SPATA18: variants seen among roughly 807,000 people sequenced by gnomAD.
The protein encoded by SPATA18 is mitochondria-eating protein.
SPATA18 carries 54 observed loss-of-function variants against 68.1 expected under a neutral mutation model. The ratio of observed to expected loss-of-function variants is 0.79; its 90% CI spans 0.64 to 0.99. The LOEUF is 0.99. SPATA18 is among the 50% of genes least tolerant of loss of function. The pLI is 0.00. For missense variants in SPATA18, 724 were observed against 681.1 expected, an observed-to-expected ratio of 1.06 and a Z score of -0.70; for synonymous variants, 242 against 244.8, an observed-to-expected ratio of 0.99 and a Z score of 0.11.
intron 1 of SPATA18, among the ~76,000 whole-genome samples, chr4:52,055,722 G>T (rs1738281129): frequency 6.6e-6 from 1 of 152,114 alleles, no homozygotes; most frequent in Admixed American, 6.5e-5. Context: ...TTCTAGGAGT[G>T]GGAGCCCACA....
At chr4:52,070,161 AC>A (rs2109451241) in intron 5 of SPATA18, among the ~76,000 whole-genome samples, 1 of 152,046 alleles carries the variant, frequency 6.6e-6, no homozygotes, top group Admixed American at 6.6e-5. Context: ...AGTGACTGTT[AC>A]CATTTTACAT....
At chr4:52,087,644 C>A (rs1443224201) in intron 11 of SPATA18, among the ~76,000 whole-genome samples, 1 of 152,100 alleles carries the variant, frequency 6.6e-6, no homozygotes, top group Non-Finnish European at 1.5e-5. Flanking sequence ...TGTTTTTGTA[C>A]AAGTACCATG....
chr4:52,067,770 A>T (rs1739437297), intron 4 of SPATA18, among the ~76,000 whole-genome samples: 1 of 152,178 alleles, frequency 6.6e-6, no homozygotes, highest in Admixed American at 6.5e-5. Flanking sequence ...CTGGGAACTT[A>T]AAAAAATAAA....
In SPATA18 at chr4:52,082,787, T is replaced by TA. The variant is rs1039894578; in HGVS notation, c.1479+278dup. The TA allele has an allele frequency of 8.5e-5, 105 of 1,238,232 alleles. No individual in the cohort carries two copies. In the African/African-American group the frequency reaches 1.4e-3, roughly 17 times the overall value. 76.7% of individuals were successfully genotyped at this position (1,238,232 alleles called of 1,614,324 possible). A position where few individuals can be genotyped will look rare whatever the true frequency, so the allele number is the denominator to read the frequency against. ...CTCCTCCATCTTAGAATTATTATAA[T>TA]ATTTTAAAAACAAAGCCCTTTGAAG... On this transcript the variant is annotated intron_variant, in intron 10 of 12. Coordinates refer to ENST00000295213, the MANE Select transcript of SPATA18 (RefSeq NM_145263.4).
rs934863968 is a variant in SPATA18, at chr4:52,096,544, A to G, written c.*1657A>G. The G allele has an allele frequency of 1.3e-5, 2 of 152,182 alleles. No individual in the cohort carries two copies. Among genetic ancestry groups the G allele is most frequent in the African/African-American group, 2.4e-5 (1 of 41,450 alleles). 9.4% of individuals were successfully genotyped at this position (152,182 alleles called of 1,614,324 possible). ...ACCCTAACTATAATATAAAGCAGAA[A>G]AAAAGGCAACTTTTAATAAAATAAA... On this transcript the variant is annotated 3_prime_UTR_variant, in exon 13 of 13. Coordinates refer to ENST00000295213, the MANE Select transcript of SPATA18 (RefSeq NM_145263.4).
chr4:52,074,204 C>A (rs1045983129), intron 6 of SPATA18, among the ~76,000 whole-genome samples: 1 of 151,990 alleles, frequency 6.6e-6, no homozygotes, highest in Non-Finnish European at 1.5e-5. Context: ...CTATTGTACC[C>A]GGAGTACAAA....
intron 1 of SPATA18, among the ~76,000 whole-genome samples, chr4:52,058,711 A>G (rs1738567091): frequency 6.6e-6 from 1 of 152,106 alleles, no homozygotes; most frequent in Admixed American, 6.5e-5. Flanking sequence ...TGGTTGCATC[A>G]TCCAGTCCTC....
At chr4:52,064,224 G>A (rs932121657) in intron 4 of SPATA18, among the ~76,000 whole-genome samples, 22 of 148,034 alleles carry the variant, frequency 1.5e-4, no homozygotes, top group Admixed American at 6.8e-5. Context: ...CAACCATTTG[G>A]AAGTTGCATA....
At position 52,051,592 on chromosome 4, in the gene SPATA18, C is replaced by T. The variant is rs1405563717; in HGVS notation, c.-113C>T. On this transcript the variant is annotated 5_prime_UTR_variant, in exon 1 of 13. Transcript: ENST00000295213. Reference sequence around the variant, plus strand: ...TGGAAACACCTGCCGCGCTCTGAGCCCCCCAGAAGAGAACACCCTTCCCGC... The same window carrying T: ...TGGAAACACCTGCCGCGCTCTGAGCTCCCCAGAAGAGAACACCCTTCCCGC... 1.0e-6 allele frequency: 1 copy of T among 992,890 alleles called. No individual in the cohort carries two copies. The highest frequency in any genetic ancestry group is 1.6e-6 in the Non-Finnish European group (1 of 633,786). The allele number at this position is 992,890 out of a possible 1,614,324, so 61.5% of individuals were successfully genotyped here. A position where few individuals can be genotyped will look rare whatever the true frequency, so the allele number is the denominator to read the frequency against.
intron 7 of SPATA18, chr4:52,078,347 A>G (rs1198979027): frequency 6.4e-6 from 1 of 156,014 alleles, no homozygotes; most frequent in Non-Finnish European, 1.4e-5. Context: ...ATGCCAGGAC[A>G]CATGTCTGAG....
At chr4:52,084,805 T>A in intron 10 of SPATA18, 111 bp from the exon 11 acceptor site, 2 of 1,005,800 alleles carry the variant, frequency 2.0e-6, no homozygotes, top group South Asian at 1.4e-5. Flanking sequence ...AATGGGCAAG[T>A]GTAATCACAT....
At chr4:52,092,865 G>T (rs959438015) in intron 11 of SPATA18, among the ~76,000 whole-genome samples, 3 of 152,108 alleles carry the variant, frequency 2.0e-5, no homozygotes, top group Non-Finnish European at 4.4e-5. Flanking sequence ...TGGAGCTGAA[G>T]GTCATTATCT....
rs1030694585 is a variant in SPATA18, at chr4:52,089,224, T to TA, written c.1563+4232dup. On this transcript the variant is annotated intron_variant, in intron 11 of 12. Coordinates refer to ENST00000295213, the MANE Select transcript of SPATA18 (RefSeq NM_145263.4). Reference sequence around the variant, plus strand: ...GTATATCTATTTTGCAGATCTTTTTTAAAAAAACCAGCTCCTGGATTCATT... The same window carrying TA: ...GTATATCTATTTTGCAGATCTTTTTTAAAAAAAACCAGCTCCTGGATTCATT... 4.6e-5 allele frequency among the ~76,000 whole-genome samples: 7 copies of TA among 152,130 alleles called. No individual in the cohort carries two copies. In the East Asian group the frequency reaches 1.2e-3, roughly 25 times the overall value.
chr4:52,052,998 C>T lies in SPATA18; in HGVS notation c.87+1207C>T, dbSNP rs1738030458. On this transcript the variant is annotated intron_variant, in intron 1 of 12. Coordinates refer to ENST00000295213, the MANE Select transcript of SPATA18 (RefSeq NM_145263.4). ...TGGAAAGTTAAAATGACCTCTTTAT[C>T]ATAAAAGACTTGGGTTCCCCCCAAC... is the stretch of plus-strand genomic sequence containing the variant. Among the ~76,000 whole-genome samples, 4 of 152,230 alleles carry T rather than the reference C, an allele frequency of 2.6e-5. No individual in the cohort carries two copies. The South Asian group carries it at 8.3e-4, about 32-fold the overall frequency.
chr4:52,084,943 T>C lies in SPATA18; in HGVS notation c.1507T>C (p.Cys503Arg). Residue 503 changes from cysteine to arginine, a missense_variant, in exon 11 of 13, where the codon TGT becomes CGT. By Grantham distance (180) the Cys-to-Arg change is radical. Coordinates refer to ENST00000295213, the MANE Select transcript of SPATA18 (RefSeq NM_145263.4). ...FWNSVRSVSR[C>R]RSRSLSPICP... ...GAATTCGGTGCGATCTGTAAGTCGT[T>C]GTCGAAGCAGGAGTTTAAGTCCCAT... The C allele has an allele frequency of 6.2e-7, 1 of 1,614,072 alleles. No homozygotes were observed.
At chr4:52,075,627 C>G (rs1277085358) in intron 6 of SPATA18, among the ~76,000 whole-genome samples, 1 of 152,146 alleles carries the variant, frequency 6.6e-6, no homozygotes, top group Admixed American at 6.5e-5. Flanking sequence ...TCAGATGGCT[C>G]CTGAGTGATT....
chr4:52,051,784 A>G lies in SPATA18; in HGVS notation c.80A>G (p.Glu27Gly). The part of the protein sequence containing the change: ...LQEKLDFWLK[E>G]YNTNTCDQNL... ...GAAAAGCTAGACTTCTGGCTGAAGG[A>G]GTACAACGTGAGTCTGGGTGAAAAA... Residue 27 changes from glutamate (E) to glycine (G), a missense_variant, in exon 1 of 13, where the codon GAG becomes GGG. Glu to Gly is a moderately conservative substitution (Grantham distance 98). Transcript: ENST00000295213. 1 of 1,614,182 alleles carries G rather than the reference A, an allele frequency of 6.2e-7. No individual in the cohort carries two copies. Among genetic ancestry groups the G allele is most frequent in the South Asian group, 1.1e-5 (1 of 91,092 alleles).
chr4:52,086,639 C>A (rs1414838504), intron 11 of SPATA18, among the ~76,000 whole-genome samples: 1 of 152,102 alleles, frequency 6.6e-6, no homozygotes, highest in Non-Finnish European at 1.5e-5. Context: ...TGTATATGTG[C>A]CACATTTTCT....
Position 52,094,749 on chromosome 4 carries a change from T to C in SPATA18, c.1610-131T>C, listed in dbSNP as rs540660155. On this transcript the variant is annotated intron_variant, in intron 12 of 12. Transcript: ENST00000295213. The stretch of plus-strand genomic sequence containing the variant: ...GTACCCAGGCAGGTCCCATGGGTCA[T>C]GTAGAAGGAGCTTCCAACCAAGAGG... 60 of 1,361,590 alleles carry C rather than the reference T, an allele frequency of 4.4e-5. No individual in the cohort carries two copies. In the East Asian group the frequency reaches 1.1e-3, roughly 25 times the overall value. The allele number at this position is 1,361,590 out of a possible 1,614,324, so 84.3% of individuals were successfully genotyped here.
Sources: allele counts gnomAD v4.1 joint callset (sites outside exome capture counted in the v4.1 genomes callset), GRCh38; gene constraint gnomAD v4.1.1; transcripts MANE v1.5; gene names NCBI Gene and HGNC (gene_info 2026-07-23, HGNC 2026-07-21).